The following RELN variants were observed in gnomAD, a reference collection of about 807,000 sequenced individuals.
RELN encodes the protein reelin.
RELN carries 108 observed loss-of-function variants against 427.6 expected under a neutral mutation model. That is an observed-to-expected ratio of 0.25 (90% confidence interval 0.22 to 0.30). The LOEUF is 0.30. Among genes scored for constraint, RELN ranks in the 10% least tolerant of loss-of-function variants. The pLI is 1.00. For synonymous variants in RELN, 1,524 were observed against 1,513.4 expected, an observed-to-expected ratio of 1.01 and a Z score of -0.16; for missense variants, 3,715 against 4,302.8, an observed-to-expected ratio of 0.86 and a Z score of 3.82.
At position 103,503,197 on chromosome 7, in the gene RELN, C is replaced by G; in HGVS notation, c.8308G>C (p.Ala2770Pro). 1.2e-6 allele frequency: 2 copies of G among 1,614,114 alleles called. No homozygotes were observed. The highest frequency in any genetic ancestry group is 1.1e-5 in the South Asian group (1 of 91,082). ...SVGCKVSEKI[A>P]QNQIHVQYST... ...TACTGCACATGAATTTGATTCTGGG[C>G]AATTTTTTCAGACACCTTACATCCA... is the stretch of plus-strand genomic sequence containing the variant. Residue 2770 changes from alanine to proline, a missense_variant, in exon 52 of 65, where the codon GCC becomes CCC. By Grantham distance (27) the Ala-to-Pro change is conservative (BLOSUM62 -1). Transcript: ENST00000428762.
intron 3 of RELN, among the ~76,000 whole-genome samples, chr7:103,832,710 G>C (rs770506299): frequency 9.9e-5 from 15 of 152,086 alleles, no homozygotes; most frequent in Admixed American, 9.8e-4. Context: ...ATGCTCTTGA[G>C]AACACTGTTC....
chr7:103,637,429 T>C (rs1832606086), intron 17 of RELN, among the ~76,000 whole-genome samples: 1 of 152,182 alleles, frequency 6.6e-6, no homozygotes, highest in African/African-American at 2.4e-5. Context: ...AGGATACTTC[T>C]TTGGCAGTAC....
chr7:103,947,871 A>T (rs1195656649), intron 1 of RELN, among the ~76,000 whole-genome samples: 2 of 152,220 alleles, frequency 1.3e-5, no homozygotes, highest in East Asian at 3.9e-4. Flanking sequence ...TTGCAATGGC[A>T]TTTGTTCCTC....
At position 103,640,477 on chromosome 7, in the gene RELN, T is replaced by G. The variant is rs1056352492; in HGVS notation, c.2069+66A>C. Reference sequence around the variant, plus strand: ...TCCTAAAAAAGGTTATTAAATGACTTGCGACTTCAACACATACATTACACA... The same window carrying G: ...TCCTAAAAAAGGTTATTAAATGACTGGCGACTTCAACACATACATTACACA... On this transcript the variant is annotated intron_variant, in intron 17 of 64. Transcript: ENST00000428762. The surrounding 1 kb of genome is among the most constrained non-coding windows in gnomAD (Gnocchi z 4.1). The G allele has an allele frequency of 8.6e-6, 13 of 1,518,730 alleles. No individual in the cohort carries two copies. The highest frequency in any genetic ancestry group is 1.7e-4 in the Middle Eastern group (1 of 5,910). 94.1% of individuals were successfully genotyped at this position (1,518,730 alleles called of 1,614,324 possible). A position where few individuals can be genotyped will look rare whatever the true frequency, so the allele number is the denominator to read the frequency against.
rs763637524 is a variant in RELN at position 103,566,734 on chromosome 7, G to A, written c.4614C>T (p.Asp1538=). 1 of 1,614,088 alleles carries A rather than the reference G, an allele frequency of 6.2e-7. No homozygotes were observed. The highest frequency in any genetic ancestry group is 1.7e-5 in the Admixed American group (1 of 60,014). ...NEGLIVQYSN[D]NGILWHLLRE... is the part of the protein sequence containing the mutation. ...GAAGCAAATGCCAGAGTATCCCATT[G>A]TCATTTGAATACTGAACAATAAGCC... is the stretch of plus-strand genomic sequence containing the variant. The change falls in exon 32 of 65, where the codon GAC becomes GAT. Residue 1538 remains aspartate (D), a synonymous_variant. Coordinates refer to ENST00000428762, the MANE Select transcript of RELN (RefSeq NM_005045.4).
intron 46 of RELN, among the ~76,000 whole-genome samples, chr7:103,525,070 C>T (rs189644543): frequency 1.1e-4 from 17 of 152,182 alleles, no homozygotes; most frequent in African/African-American, 3.4e-4. Context: ...CAAACTCATT[C>T]CCACCTTTCT....
chr7:103,560,140 A>G (rs1830610827), intron 36 of RELN, among the ~76,000 whole-genome samples: 1 of 152,192 alleles, frequency 6.6e-6, no homozygotes, highest in Non-Finnish European at 1.5e-5. Flanking sequence ...ATTCTAGTTC[A>G]CAGACATATG....
intron 46 of RELN, among the ~76,000 whole-genome samples, chr7:103,533,267 C>T (rs974266021): frequency 6.6e-6 from 1 of 152,174 alleles, no homozygotes; most frequent in Non-Finnish European, 1.5e-5. Context: ...TTCTTTATAG[C>T]GAAGAGCTAC....
At chr7:103,494,362 CTT>C (rs892854543) in intron 57 of RELN, among the ~76,000 whole-genome samples, 4 of 112,184 alleles carry the variant, frequency 3.6e-5, no homozygotes, top group African/African-American at 8.9e-5. Flanking sequence ...TCTGTAATGA[CTT>C]TTGTGTGTGT....
chr7:103,530,260 C>A (rs2117107969), intron 46 of RELN, among the ~76,000 whole-genome samples: 1 of 152,182 alleles, frequency 6.6e-6, no homozygotes, highest in East Asian at 1.9e-4. Context: ...AGCTTGCTCC[C>A]CGCATCTTCT....
intron 1 of RELN, among the ~76,000 whole-genome samples, chr7:103,935,242 T>A (rs10266480): frequency 2.0e-5 from 3 of 151,940 alleles, no homozygotes; most frequent in Non-Finnish European, 4.4e-5. Flanking sequence ...CTTCCCTCAA[T>A]CCCCATTTAC....
intron 6 of RELN, among the ~76,000 whole-genome samples, chr7:103,740,953 C>T (rs975892426): frequency 1.3e-5 from 2 of 152,264 alleles, no homozygotes; most frequent in East Asian, 3.9e-4. Context: ...TGGCTAAATG[C>T]AGCATACCCA....
intron 19 of RELN, among the ~76,000 whole-genome samples, chr7:103,631,556 T>G (rs1214188609): frequency 6.6e-6 from 1 of 152,122 alleles, no homozygotes; most frequent in Non-Finnish European, 1.5e-5. Context: ...CCTCCCAAAG[T>G]GCTGGGATTA....
intron 63 of RELN, 110 bp downstream of exon 63, chr7:103,482,763 T>TG: frequency 6.4e-7 from 1 of 1,573,296 alleles, no homozygotes; most frequent in Non-Finnish European, 8.6e-7. Flanking sequence ...AGTGCTCCTG[T>TG]GGGGGCTTCT....
intron 44 of RELN, chr7:103,539,591 C>A (rs3025926): frequency 2.1e-6 from 1 of 480,058 alleles, no homozygotes; most frequent in Non-Finnish European, 3.8e-6. Flanking sequence ...CCTTTGCAAA[C>A]GACATGTACC....
In RELN at chr7:103,603,210, C is replaced by A. The variant is rs193174614; in HGVS notation, c.3333+94G>T. ...ACTCAAAAGCGGGGAACGTGGGGAA[C>A]AATAGAACCACTTCATATTTGTACA... is the stretch of plus-strand genomic sequence containing the variant. On this transcript the variant is annotated intron_variant, in intron 24 of 64. Transcript: ENST00000428762. The surrounding 1 kb of genome is among the most constrained non-coding windows in gnomAD (Gnocchi z 4.3). The A allele has an allele frequency of 9.7e-5, 102 of 1,053,764 alleles. No homozygotes were observed. Among genetic ancestry groups the A allele is most frequent in the South Asian group, 2.2e-4 (17 of 78,918 alleles). The allele number at this position is 1,053,764 out of a possible 1,614,324, so 65.3% of individuals were successfully genotyped here.
At chr7:103,895,004 A>G (rs1228140943) in intron 2 of RELN, among the ~76,000 whole-genome samples, 1 of 152,058 alleles carries the variant, frequency 6.6e-6, no homozygotes, top group East Asian at 1.9e-4. Context: ...TTTTTATTTG[A>G]CAGGAGAACT....
intron 20 of RELN, among the ~76,000 whole-genome samples, chr7:103,622,260 G>A (rs1317738914): frequency 6.6e-6 from 1 of 152,172 alleles, no homozygotes; most frequent in Non-Finnish European, 1.5e-5. Flanking sequence ...CATGGCATAA[G>A]TTTTAGAATA....
chr7:103,568,876 A>G (rs1584304063), intron 31 of RELN, among the ~76,000 whole-genome samples: 1 of 152,182 alleles, frequency 6.6e-6, no homozygotes, highest in Admixed American at 6.5e-5. Context: ...GGTCCTTTCT[A>G]GTGCCTTTGA....
Sources: gnomAD v4.1 joint callset for allele counts (sites outside exome capture counted in the v4.1 genomes callset) on GRCh38, gnomAD v4.1.1 for gene constraint, Gnocchi (gnomAD v3.1) non-coding constraint, MANE v1.5 for transcripts, NCBI Gene and HGNC (gene_info 2026-07-23, HGNC 2026-07-21) for gene names.